CELSR2: variants seen among roughly 807,000 people sequenced by gnomAD.
CELSR2 encodes cadherin EGF LAG seven-pass G-type receptor 2, also known as EGF-like protein 2.
Under a neutral mutation model 251.6 loss-of-function variants are expected in CELSR2, and 81 were observed. The observed-to-expected ratio is 0.32, with a 90% confidence interval of 0.27 to 0.39. CELSR2 has a LOEUF of 0.39. Among genes scored for constraint, CELSR2 ranks in the 10% least tolerant of loss-of-function variants. CELSR2 has a pLI of 1.00. For synonymous variants in CELSR2, 1,721 were observed against 1,670.5 expected, an observed-to-expected ratio of 1.03 and a Z score of -0.74; for missense variants, 3,365 against 3,947.7, an observed-to-expected ratio of 0.85 and a Z score of 3.96.
rs573253391 is a variant in CELSR2 at position 109,264,672 on chromosome 1, G to T, written c.5464+44G>T. The stretch of plus-strand genomic sequence containing the variant: ...GCAACGGGCAGGTTATCAGGTGCCT[G>T]GGGCCACATGCTGGCTCTGCTGTGT... On this transcript the variant is annotated intron_variant, in intron 11 of 33. Coordinates refer to ENST00000271332, the MANE Select transcript of CELSR2 (RefSeq NM_001408.3). The T allele has an allele frequency of 1.9e-4, 306 of 1,595,984 alleles. 1 individual carries two copies. The South Asian group carries it at 3.2e-3, about 17-fold the overall frequency.
chr1:109,273,811 A>T, intron 33 of CELSR2, 141 bp downstream of exon 33: 1 of 960,762 alleles, frequency 1.0e-6, no homozygotes, highest in Non-Finnish European at 1.6e-6. Context: ...CTCCCTTACT[A>T]TGCCGTGCCC....
rs1250719691 is a variant in CELSR2, at chr1:109,263,663, C to T, written c.4887C>T (p.Gly1629=). 1 of 1,614,058 alleles carries T rather than the reference C, an allele frequency of 6.2e-7. No homozygotes were observed. The highest frequency in any genetic ancestry group is 8.5e-7 in the Non-Finnish European group (1 of 1,179,980). Residue 1629 remains glycine (G), a synonymous_variant, in exon 9 of 34, where the codon GGC becomes GGT. Transcript: ENST00000271332. ...GCAGCAGCCTGGTGGCCTGGCATGG[C>T]CTCTCGCTGCCCATCTCCCAACCCT... is the stretch of plus-strand genomic sequence containing the variant. ...FLGSSLVAWH[G]LSLPISQPWY...
intron 17 of CELSR2, 46 bp from the exon 18 acceptor site, chr1:109,268,535 C>G (rs759513493): frequency 6.4e-7 from 1 of 1,552,262 alleles, no homozygotes; most frequent in African/African-American, 1.4e-5. Context: ...GTGGGGATGT[C>G]AGGTGTGGGT....
Position 109,265,183 on chromosome 1 carries a change from C to G in CELSR2, c.5607-8C>G, listed in dbSNP as rs1325604131. On this transcript the variant is annotated splice_region_variant and splice_polypyrimidine_tract_variant and intron_variant, in intron 12 of 33. Coordinates refer to ENST00000271332, the MANE Select transcript of CELSR2 (RefSeq NM_001408.3). ...GGAGCTCATGCCTACCTGGGTCCCT[C>G]TCTGCAGGATTGACCAGCCTTGTCC... is the stretch of plus-strand genomic sequence containing the variant. The G allele has an allele frequency of 6.3e-7, 1 of 1,589,264 alleles. No individual in the cohort carries two copies. The highest frequency in any genetic ancestry group is 8.6e-7 in the Non-Finnish European group (1 of 1,166,182).
At position 109,272,915 on chromosome 1, in the gene CELSR2, T is replaced by TGAGGAGGAAGAAGAG. The variant is rs1656414243; in HGVS notation, c.8238_8252dup (p.Glu2748_Glu2752dup). The TGAGGAGGAAGAAGAG allele has an allele frequency of 1.9e-6, 3 of 1,613,006 alleles. No homozygotes were observed. The highest frequency in any genetic ancestry group is 1.3e-5 in the African/African-American group (1 of 74,554). ...ATGCCTCTACCCACTCATCAGACAGTGAGGAGGAAGAAGAGGAGGAGGAAG... is the reference window on the plus strand; with the variant it reads ...ATGCCTCTACCCACTCATCAGACAGTGAGGAGGAAGAAGAGGAGGAGGAAGAAGAGGAGGAGGAAG... On this transcript the variant is annotated inframe_insertion, in exon 31 of 34. Transcript: ENST00000271332.
In CELSR2 at chr1:109,271,806, C is replaced by T; in HGVS notation, c.7926+84C>T. 5 of 1,505,870 alleles carry T rather than the reference C, an allele frequency of 3.3e-6. No individual in the cohort carries two copies. The South Asian group carries it at 4.8e-5, about 14-fold the overall frequency. The allele number at this position is 1,505,870 out of a possible 1,614,324, so 93.3% of individuals were successfully genotyped here. On this transcript the variant is annotated intron_variant, in intron 28 of 33. Transcript: ENST00000271332. ...TGAGCCTGTACTTTTGGCCCCACTC[C>T]CCTTTCTCTTTTCTCCATCCCTTCC... is the stretch of plus-strand genomic sequence containing the variant.
chr1:109,252,668 C>G lies in CELSR2; in HGVS notation c.2589C>G (p.Asp863Glu). Residue 863 changes from aspartate to glutamate, a missense_variant, in exon 1 of 34, where the codon GAC (aspartate) becomes GAG (glutamate). Physicochemically the swap from Asp to Glu is conservative, Grantham distance 45 (BLOSUM62 2). Coordinates refer to ENST00000271332, the MANE Select transcript of CELSR2 (RefSeq NM_001408.3). The surrounding 1 kb of genome is among the most constrained non-coding windows in gnomAD (Gnocchi z 4.8). ...AAGGAGGCGACGATGGAGACGGTGACTTTATTGTTGAGTCCACGTCAGGCA... is the reference window on the plus strand; with the variant it reads ...AAGGAGGCGACGATGGAGACGGTGAGTTTATTGTTGAGTCCACGTCAGGCA... ...TFQGGDDGDG[D>E]FIVESTSGIV... 1 of 1,613,924 alleles carries G rather than the reference C, an allele frequency of 6.2e-7. No individual in the cohort carries two copies. The highest frequency in any genetic ancestry group is 1.3e-5 in the African/African-American group (1 of 75,054).
Position 109,250,212 on chromosome 1 carries a change from C to G in CELSR2, c.133C>G (p.Arg45Gly), listed in dbSNP as rs759373011. The change falls in exon 1 of 34, where the codon CGA (arginine) becomes GGA (glycine). Residue 45 changes from arginine (R) to glycine (G), a missense_variant. By Grantham distance (125) the Arg-to-Gly change is moderately radical (BLOSUM62 -2). Around this residue, in one of 5 missense-constraint regions of CELSR2, gnomAD observed 704 missense variants for 784.1 expected, o/e 0.90. Transcript: ENST00000271332. This position sits in a 1 kb window ranked among gnomAD's most constrained non-coding sequence, Gnocchi z 4.4. ...GPCRSLGSRG[R>G]GSSGACAPMG... is the part of the protein sequence containing the mutation. ...CTGTCGTTCCTTGGGGTCCAGGGGA[C>G]GAGGCTCTTCGGGGGCCTGCGCCCC... 3 of 1,600,580 alleles carry G rather than the reference C, an allele frequency of 1.9e-6. No homozygotes were observed. The highest frequency in any genetic ancestry group is 1.3e-5 in the African/African-American group (1 of 74,148).
At position 109,252,535 on chromosome 1, in the gene CELSR2, C is replaced by T. The variant is rs1260063080; in HGVS notation, c.2456C>T (p.Ser819Phe). ...AATGCCCCTCAGTTCCTGCGAGACT[C>T]CTACCAGGGCAGTGTCTATGAGGAT... The part of the protein sequence containing the change: ...NDNAPQFLRD[S>F]YQGSVYEDVP... The change falls in exon 1 of 34, where the codon TCC becomes TTC. Residue 819 changes from serine to phenylalanine, a missense_variant. Around this residue, in one of 5 missense-constraint regions of CELSR2, gnomAD observed 505 missense variants for 660.0 expected, o/e 0.77. Coordinates refer to ENST00000271332, the MANE Select transcript of CELSR2 (RefSeq NM_001408.3). The surrounding 1 kb of genome is among the most constrained non-coding windows in gnomAD (Gnocchi z 4.8). 6.2e-7 allele frequency: 1 copy of T among 1,613,888 alleles called. No individual in the cohort carries two copies. Among genetic ancestry groups the T allele is most frequent in the Admixed American group, 1.7e-5 (1 of 60,018 alleles).
In CELSR2 at chr1:109,262,372, T is replaced by G. The variant is rs750555306; in HGVS notation, c.4472T>G (p.Val1491Gly). The change falls in exon 6 of 34, where the codon GTG becomes GGG. Residue 1491 changes from valine to glycine, a missense_variant. Physicochemically the swap from Val to Gly is moderately radical, Grantham distance 109. Around this residue, in one of 5 missense-constraint regions of CELSR2, gnomAD observed 2,093 missense variants for 2,382.8 expected, o/e 0.88. Transcript: ENST00000271332. ...ACCGTGGATGGCTGTGACACAGGAG[T>G]GGCCTTGCGCTTCGGATCTGTCCTG... ...VVTVDGCDTG[V>G]ALRFGSVLGN... 1 of 1,613,854 alleles carries G rather than the reference T, an allele frequency of 6.2e-7. No homozygotes were observed. Among genetic ancestry groups the G allele is most frequent in the South Asian group, 1.1e-5 (1 of 91,068 alleles).
In CELSR2 at chr1:109,252,150, A is replaced by T; in HGVS notation, c.2071A>T (p.Thr691Ser). 2 of 1,613,948 alleles carry T rather than the reference A, an allele frequency of 1.2e-6. No homozygotes were observed. Among genetic ancestry groups the T allele is most frequent in the East Asian group, 4.5e-5 (2 of 44,880 alleles). ...GTTGGCTGTTACCGCCTCCGATGGC[A>T]CTCGGCAGGACACGGCACAGATTGT... The part of the protein sequence containing the change: ...YVLAVTASDG[T>S]RQDTAQIVVN... Residue 691 changes from threonine (T) to serine (S), a missense_variant, in exon 1 of 34, where the codon ACT becomes TCT. Thr to Ser is a moderately conservative substitution (Grantham distance 58). Transcript: ENST00000271332. This position sits in a 1 kb window ranked among gnomAD's most constrained non-coding sequence, Gnocchi z 4.8.
intron 1 of CELSR2, 41 bp downstream of exon 1, chr1:109,253,430 GCGGGGA>G (rs1557727762): frequency 6.3e-7 from 1 of 1,582,290 alleles, no homozygotes; most frequent in Admixed American, 1.8e-5. Flanking sequence ...GGGGTAGCTC[GCGGGGA>G]TGGTCTGGGC....
chr1:109,261,293 G>C lies in CELSR2; in HGVS notation c.4181+29G>C. 3 of 1,591,650 alleles carry C rather than the reference G, an allele frequency of 1.9e-6. No individual in the cohort carries two copies. Among genetic ancestry groups the C allele is most frequent in the Non-Finnish European group, 2.6e-6 (3 of 1,163,956 alleles). ...AGTGGCTGGGCACTGGGGGTGGGGA[G>C]TGGGCCTGGTGGGCATCTGAGGTGC... On this transcript the variant is annotated intron_variant, in intron 3 of 33. Transcript: ENST00000271332. The surrounding 1 kb of genome is among the most constrained non-coding windows in gnomAD (Gnocchi z 4.8).
At position 109,270,796 on chromosome 1, in the gene CELSR2, G is replaced by A. The variant is rs558789459; in HGVS notation, c.7484-131G>A. On this transcript the variant is annotated intron_variant, in intron 24 of 33. Coordinates refer to ENST00000271332, the MANE Select transcript of CELSR2 (RefSeq NM_001408.3). ...GTCACTCCCTTATCCTGGGGAGATC[G>A]GTAGGGGCCGATGGTGGGCAGAACC... is the stretch of plus-strand genomic sequence containing the variant. 5.8e-5 allele frequency: 57 copies of A among 985,636 alleles called. No individual in the cohort carries two copies. The Admixed American group carries it at 6.6e-4, about 11-fold the overall frequency. 61.1% of individuals were successfully genotyped at this position (985,636 alleles called of 1,614,324 possible).
rs374621786 is a variant in CELSR2, at chr1:109,261,529, C to T, written c.4198C>T (p.Arg1400Cys). ...CCTGTTCAGGTTTGCCACAAAGGAG[C>T]GCGACGGGTTGCTGTTGTACAATGG... ...TLALSFATKE[R>C]DGLLLYNGRF... The change falls in exon 4 of 34, where the codon CGC becomes TGC. Residue 1400 changes from arginine to cysteine, a missense_variant. Arg to Cys is a radical substitution (Grantham distance 180). Transcript: ENST00000271332. This position sits in a 1 kb window ranked among gnomAD's most constrained non-coding sequence, Gnocchi z 4.8. 21 of 1,613,980 alleles carry T rather than the reference C, an allele frequency of 1.3e-5. No homozygotes were observed. The highest frequency in any genetic ancestry group is 3.3e-4 in the Middle Eastern group (2 of 6,084).
At chr1:109,270,727 G>A in intron 24 of CELSR2, 127 bp downstream of exon 24, 1 of 1,269,602 alleles carries the variant, frequency 7.9e-7, no homozygotes, top group South Asian at 1.4e-5. Context: ...TTATTCACAG[G>A]TGTCCCTCTG....
chr1:109,259,884 C>T (rs1375318157), intron 2 of CELSR2, among the ~76,000 whole-genome samples: 3 of 152,122 alleles, frequency 2.0e-5, no homozygotes, highest in African/African-American at 7.2e-5. Context: ...TGTCTCTGCT[C>T]TATGCTCCTG....
chr1:109,271,748 G>A, intron 28 of CELSR2, 26 bp downstream of exon 28: 1 of 1,611,100 alleles, frequency 6.2e-7, no homozygotes, highest in Non-Finnish European at 8.5e-7. Flanking sequence ...GTCTCAGGAG[G>A]GCGGTGAAGG....
Position 109,269,452 on chromosome 1 carries a change from C to G in CELSR2, c.6841C>G (p.Pro2281Ala). 1 of 1,614,020 alleles carries G rather than the reference C, an allele frequency of 6.2e-7. No individual in the cohort carries two copies. The highest frequency in any genetic ancestry group is 8.5e-7 in the Non-Finnish European group (1 of 1,179,978). Residue 2281 changes from proline (P) to alanine (A), a missense_variant, in exon 21 of 34, where the codon CCC becomes GCC. Physicochemically the swap from Pro to Ala is conservative, Grantham distance 27. Around this residue, in one of 5 missense-constraint regions of CELSR2, gnomAD observed 2,093 missense variants for 2,382.8 expected, o/e 0.88. Coordinates refer to ENST00000271332, the MANE Select transcript of CELSR2 (RefSeq NM_001408.3). The surrounding 1 kb of genome is among the most constrained non-coding windows in gnomAD (Gnocchi z 6.4). ...RVPKRPIINT[P>A]VVSISVHDDE... ...CCCCAAACGCCCGATCATCAACACA[C>G]CCGTGGTGAGCATCAGCGTCCATGA...
Sources: gnomAD v4.1 joint callset for allele counts (sites outside exome capture counted in the v4.1 genomes callset) on GRCh38, gnomAD v4.1.1 for gene constraint, gnomAD v4.1.1 regional missense constraint, Gnocchi (gnomAD v3.1) non-coding constraint, MANE v1.5 for transcripts, NCBI Gene and HGNC (gene_info 2026-07-23, HGNC 2026-07-21) for gene names.